TMEM213: variants seen among roughly 807,000 people sequenced by gnomAD.
TMEM213 encodes transmembrane protein 213.
In TMEM213, 7 loss-of-function variants were observed where a neutral mutation model predicts 11.6. That is an observed-to-expected ratio of 0.60 (90% CI 0.34 to 1.13). TMEM213 has a LOEUF of 1.13. Ranked by LOEUF, TMEM213 falls within the 50% of genes most tolerant of loss-of-function variation. The pLI, the probability that TMEM213 is intolerant of heterozygous loss-of-function variation, is 0.03. For synonymous variants in TMEM213, 60 were observed against 58.3 expected (o/e 1.03, Z -0.13); for missense variants, 129 against 139.0 (o/e 0.93, Z 0.36).
At chr7:138,799,054 A>G (rs1808836425) in intron 1 of TMEM213, among the ~76,000 whole-genome samples, 1 of 152,120 alleles carries the variant, frequency 6.6e-6, no homozygotes, top group East Asian at 1.9e-4. Context: ...GCTGAGCCTG[A>G]ACCCAGGTCC....
In TMEM213 at chr7:138,802,929, T is replaced by G; in HGVS notation, c.184T>G (p.Cys62Gly). 2 of 1,598,120 alleles carry G rather than the reference T, an allele frequency of 1.3e-6. No homozygotes were observed. Among genetic ancestry groups the G allele is most frequent in the Admixed American group, 1.8e-5 (1 of 57,074 alleles). ...GGACTTCTGCCCACAAGCAGCCCGG[T>G]GCTGCCGCACAGGAGTGGACGAGTA... ...NVDFCPQAAR[C>G]CRTGVDEYGW... The change falls in exon 3 of 3, where the codon TGC (cysteine) becomes GGC (glycine). Residue 62 changes from cysteine (C) to glycine (G), a missense_variant. Coordinates refer to ENST00000442682, the MANE Select transcript of TMEM213 (RefSeq NM_001085429.2).
rs564927706 is a variant in TMEM213 at position 138,805,917 on chromosome 7, G to C, written c.*2848G>C. On this transcript the variant is annotated 3_prime_UTR_variant, in exon 3 of 3. Coordinates refer to ENST00000442682, the MANE Select transcript of TMEM213 (RefSeq NM_001085429.2). Reference sequence around the variant, plus strand: ...AAGTGAAGGGTCAGGGCACCAGTTGGTGTCTGAGATGCCCTCCAGTCTGGG... The same window carrying C: ...AAGTGAAGGGTCAGGGCACCAGTTGCTGTCTGAGATGCCCTCCAGTCTGGG... 1 of 152,046 alleles carries C rather than the reference G, an allele frequency of 6.6e-6. No individual in the cohort carries two copies. Among genetic ancestry groups the C allele is most frequent in the South Asian group, 2.1e-4 (1 of 4,802 alleles). 9.4% of individuals were successfully genotyped at this position (152,046 alleles called of 1,614,324 possible).
intron 2 of TMEM213, 77 bp from the exon 3 acceptor site, chr7:138,802,823 T>A (rs537778525): frequency 1.4e-6 from 2 of 1,427,066 alleles, no homozygotes; most frequent in African/African-American, 2.9e-5. Context: ...GTGATTGTTC[T>A]GTTAATATTA....
intron 2 of TMEM213, 59 bp downstream of exon 2, chr7:138,801,457 A>G: frequency 6.7e-7 from 1 of 1,489,720 alleles, no homozygotes; most frequent in East Asian, 2.4e-5. Context: ...TGGGAGGGAA[A>G]CAAAGGCCTC....
Position 138,805,389 on chromosome 7 carries a change from T to C in TMEM213, c.*2320T>C, listed in dbSNP as rs1209660458. 1.4e-5 allele frequency: 2 copies of C among 145,222 alleles called. No homozygotes were observed. The highest frequency in any genetic ancestry group is 3.0e-5 in the Non-Finnish European group (2 of 67,462). The allele number at this position is 145,222 out of a possible 1,614,324, so 9.0% of individuals were successfully genotyped here. ...CAGCCTGGGCAACAAAGTGAGACCC[T>C]GTCTGGAAAAAAAAAAAAAAAAAGC... On this transcript the variant is annotated 3_prime_UTR_variant, in exon 3 of 3. Transcript: ENST00000442682.
At position 138,798,028 on chromosome 7, in the gene TMEM213, A is replaced by T. The variant is rs1808770909; in HGVS notation, c.-77A>T. On this transcript the variant is annotated 5_prime_UTR_variant, in exon 1 of 3. Transcript: ENST00000442682. ...TTCCAGCTCCTGCAGGTGGGAGTCG[A>T]CTCACCTGCAGCAGGCACTCGGCAC... 1 of 1,551,980 alleles carries T rather than the reference A, an allele frequency of 6.4e-7. No individual in the cohort carries two copies. The highest frequency in any genetic ancestry group is 8.7e-7 in the Non-Finnish European group (1 of 1,147,758).
intron 1 of TMEM213, 186 bp downstream of exon 1, chr7:138,798,372 AG>A (rs1383403886): frequency 4.8e-5 from 5 of 104,052 alleles, no homozygotes; most frequent in African/African-American, 1.2e-4. Flanking sequence ...GGGCTGGGGC[AG>A]GGGGGGTCTT....
intron 1 of TMEM213, 68 bp downstream of exon 1, chr7:138,798,254 G>A: frequency 7.0e-7 from 1 of 1,420,082 alleles, no homozygotes; most frequent in Non-Finnish European, 9.6e-7. Flanking sequence ...AGAGGTGGGA[G>A]GGAAAGAAGG....
At chr7:138,799,541 C>T (rs1245048071) in intron 1 of TMEM213, 2 of 152,196 alleles carry the variant, frequency 1.3e-5, no homozygotes, top group African/African-American at 2.4e-5. Context: ...TGATATTGAA[C>T]AATTTTCACC....
chr7:138,800,569 G>C (rs1584963431), intron 1 of TMEM213, among the ~76,000 whole-genome samples: 2 of 152,226 alleles, frequency 1.3e-5, no homozygotes, highest in Middle Eastern at 3.4e-3. Flanking sequence ...CAAGATCAAG[G>C]TGTTGATGGT....
Position 138,803,597 on chromosome 7 carries a change from G to A in TMEM213, c.*528G>A, listed in dbSNP as rs1399655888. The A allele has an allele frequency of 6.3e-6, 1 of 158,096 alleles. No individual in the cohort carries two copies. Among genetic ancestry groups the A allele is most frequent in the Non-Finnish European group, 1.4e-5 (1 of 71,616 alleles). The allele number at this position is 158,096 out of a possible 1,614,324, so 9.8% of individuals were successfully genotyped here. ...GTTCCAGATCAGCCTGGCCAACATG[G>A]TGAAACCCTGTCTCTACTAAAAATA... On this transcript the variant is annotated 3_prime_UTR_variant, in exon 3 of 3. Transcript: ENST00000442682.
intron 1 of TMEM213, among the ~76,000 whole-genome samples, chr7:138,799,725 A>G (rs1337710201): frequency 6.6e-6 from 1 of 152,248 alleles, no homozygotes; most frequent in Non-Finnish European, 1.5e-5. Context: ...GTGAGGAATC[A>G]GTTTCTCCAA....
chr7:138,805,752 G>T lies in TMEM213; in HGVS notation c.*2683G>T, dbSNP rs1296053016. 3 of 152,210 alleles carry T rather than the reference G, an allele frequency of 2.0e-5. No individual in the cohort carries two copies. Among genetic ancestry groups the T allele is most frequent in the African/African-American group, 7.2e-5 (3 of 41,454 alleles). 9.4% of individuals were successfully genotyped at this position (152,210 alleles called of 1,614,324 possible). On this transcript the variant is annotated 3_prime_UTR_variant, in exon 3 of 3. Transcript: ENST00000442682. ...GACCAAATCAGCAGTTTCAAGCTGAGTTGCAAAAGTTCATGGAACCATTTC... is the reference window on the plus strand; with the variant it reads ...GACCAAATCAGCAGTTTCAAGCTGATTTGCAAAAGTTCATGGAACCATTTC...
In TMEM213 at chr7:138,803,269, C is replaced by T; in HGVS notation, c.*200C>T. On this transcript the variant is annotated 3_prime_UTR_variant, in exon 3 of 3. Coordinates refer to ENST00000442682, the MANE Select transcript of TMEM213 (RefSeq NM_001085429.2). ...CCTTGCATGTCACTCCCAAGGGCCCCTGGGCTGTGCCCAGGTAACTCCTCT... is the reference window on the plus strand; with the variant it reads ...CCTTGCATGTCACTCCCAAGGGCCCTTGGGCTGTGCCCAGGTAACTCCTCT... 1 of 618,516 alleles carries T rather than the reference C, an allele frequency of 1.6e-6. No homozygotes were observed. Among genetic ancestry groups the T allele is most frequent in the Non-Finnish European group, 2.7e-6 (1 of 370,812 alleles). 38.3% of individuals were successfully genotyped at this position (618,516 alleles called of 1,614,324 possible). A position where few individuals can be genotyped will look rare whatever the true frequency, so the allele number is the denominator to read the frequency against.
rs1809007086 is a variant in TMEM213 at position 138,803,300 on chromosome 7, G to A, written c.*231G>A. The A allele has an allele frequency of 1.8e-6, 1 of 550,592 alleles. No individual in the cohort carries two copies. Among genetic ancestry groups the A allele is most frequent in the Non-Finnish European group, 3.2e-6 (1 of 309,716 alleles). 34.1% of individuals were successfully genotyped at this position (550,592 alleles called of 1,614,324 possible). ...TGTGCCCAGGTAACTCCTCTCTCAA[G>A]ATAGTCCCTCTGTAATGTATCCTGT... On this transcript the variant is annotated 3_prime_UTR_variant, in exon 3 of 3. Transcript: ENST00000442682.
chr7:138,800,242 GT>G (rs925330335), intron 1 of TMEM213, among the ~76,000 whole-genome samples: 2 of 151,874 alleles, frequency 1.3e-5, no homozygotes, highest in Non-Finnish European at 2.9e-5. Flanking sequence ...AAGAAGCTGA[GT>G]TTTTTTTACT....
chr7:138,798,228 G>T, intron 1 of TMEM213, 42 bp downstream of exon 1: 1 of 1,525,370 alleles, frequency 6.6e-7, no homozygotes, highest in African/African-American at 1.4e-5. Flanking sequence ...TGGGAAGGGG[G>T]AGGGAAGGAG....
chr7:138,799,463 A>G (rs1808856665), intron 1 of TMEM213: 1 of 152,158 alleles, frequency 6.6e-6, no homozygotes, highest in African/African-American at 2.4e-5. Context: ...CTTATAAGGG[A>G]GGAGGGCGAT....
intron 1 of TMEM213, among the ~76,000 whole-genome samples, chr7:138,798,970 T>A (rs1808831244): frequency 6.6e-6 from 1 of 152,116 alleles, no homozygotes; most frequent in Non-Finnish European, 1.5e-5. Flanking sequence ...TCTGCCCCTC[T>A]CATCCTCAGA....
Sources: allele counts gnomAD v4.1 joint callset (sites outside exome capture counted in the v4.1 genomes callset), GRCh38; gene constraint gnomAD v4.1.1; transcripts MANE v1.5; gene names NCBI Gene and HGNC (gene_info 2026-07-23, HGNC 2026-07-21).